SAMD5: variants seen among roughly 807,000 people sequenced by gnomAD.
The protein encoded by SAMD5 is sterile alpha motif domain-containing protein 5.
SAMD5 carries 13 observed loss-of-function variants against 11.3 expected under a neutral mutation model. The ratio of observed to expected loss-of-function variants is 1.15; its 90% CI spans 0.75 to 1.83. SAMD5 has a LOEUF of 1.83. Ranked by LOEUF, SAMD5 falls within the 40% of genes most tolerant of loss-of-function variation. The pLI, the probability that SAMD5 is intolerant of heterozygous loss-of-function variation, is 0.00. For synonymous variants in SAMD5, 129 were observed against 111.3 expected (o/e 1.16, Z -1.00); for missense variants, 255 against 239.1 (o/e 1.07, Z -0.44).
the SAMD5 span, among the ~76,000 whole-genome samples, chr6:147,772,062 T>C: frequency 1.3e-5 from 2 of 152,216 alleles, no homozygotes; most frequent in Non-Finnish European, 2.9e-5. Context: ...TATTTCATGA[T>C]GAGCCTCAGT....
At chr6:147,586,035 T>A (rs1264504050) in intron 1 of SAMD5, among the ~76,000 whole-genome samples, 1 of 152,152 alleles carries the variant, frequency 6.6e-6, no homozygotes, top group Non-Finnish European at 1.5e-5. Context: ...GAGTTTTAGT[T>A]GGGAGCTGAG....
chr6:147,772,274 C>T, the SAMD5 span, among the ~76,000 whole-genome samples: 3 of 152,024 alleles, frequency 2.0e-5, no homozygotes. Context: ...ACAGAGAGCA[C>T]TTGTAGAACT....
At chr6:147,540,946 T>G (rs868489545) in intron 1 of SAMD5, among the ~76,000 whole-genome samples, 14 of 140,312 alleles carry the variant, frequency 1.0e-4, no homozygotes, top group Admixed American at 2.2e-4. Flanking sequence ...TTTTTTTTTT[T>G]TTTTTTTTTT....
At chr6:147,789,492 ATATTTT>A in the SAMD5 span, among the ~76,000 whole-genome samples, 1 of 152,116 alleles carries the variant, frequency 6.6e-6, no homozygotes. Context: ...TTATTTGAAA[ATATTTT>A]TAGATTTATT....
the SAMD5 span, among the ~76,000 whole-genome samples, chr6:147,924,501 T>C: frequency 6.6e-6 from 1 of 152,134 alleles, no homozygotes; most frequent in Non-Finnish European, 1.5e-5. Flanking sequence ...AAGCCTGATC[T>C]GAAAATTTTA....
chr6:147,830,276 T>TG, the SAMD5 span, among the ~76,000 whole-genome samples: 1 of 125,768 alleles, frequency 8.0e-6, no homozygotes, highest in South Asian at 2.6e-4. Flanking sequence ...TTTTTTTTTT[T>TG]GAATGAGTCT....
the SAMD5 span, among the ~76,000 whole-genome samples, chr6:147,832,690 C>G: frequency 6.6e-6 from 1 of 152,288 alleles, no homozygotes; most frequent in Non-Finnish European, 1.5e-5. Context: ...ATACTTTTCA[C>G]TACCTAATTA....
the SAMD5 span, among the ~76,000 whole-genome samples, chr6:147,870,546 T>G: frequency 3.3e-5 from 5 of 151,544 alleles, no homozygotes; most frequent in Non-Finnish European, 5.9e-5. Context: ...AATATTCTCC[T>G]TGGCAAATTT....
intron 1 of SAMD5, among the ~76,000 whole-genome samples, chr6:147,560,166 T>G (rs1004358870): frequency 1.3e-5 from 2 of 152,200 alleles, no homozygotes; most frequent in Non-Finnish European, 2.9e-5. Context: ...TATGAACAAA[T>G]GTAAAATGTG....
chr6:147,951,855 C>T, the SAMD5 span, among the ~76,000 whole-genome samples: 1 of 152,214 alleles, frequency 6.6e-6, no homozygotes, highest in Non-Finnish European at 1.5e-5. Flanking sequence ...ACCATATGGC[C>T]CCTCTTAAGA....
rs116406797 is a variant in SAMD5, at chr6:147,730,691, G to A, written c.163-6626G>A. Among the ~76,000 whole-genome samples the A allele has an allele frequency of 5.3e-3, 809 of 152,276 alleles. 7 individuals carry two copies. The highest frequency in any genetic ancestry group is 0.019 in the African/African-American group (772 of 41,548). The stretch of plus-strand genomic sequence containing the variant: ...CATATATAGACAATAGACAAGGTCC[G>A]AGAACTGAGCCCTAAGACATTCCAA... On this transcript the variant is annotated intron_variant, in intron 1 of 1. Coordinates refer to the SAMD5 transcript ENST00000566741.
the SAMD5 span, among the ~76,000 whole-genome samples, chr6:147,756,708 C>T: frequency 6.6e-6 from 1 of 152,316 alleles, no homozygotes. Flanking sequence ...ACCCTGCGCT[C>T]GCGCAGTTAT....
At chr6:147,593,897 G>A (rs1233473546) in intron 1 of SAMD5, among the ~76,000 whole-genome samples, 1 of 152,162 alleles carries the variant, frequency 6.6e-6, no homozygotes, top group African/African-American at 2.4e-5. Context: ...GGAGGCCAAG[G>A]TGGGCAGATC....
intron 1 of SAMD5, among the ~76,000 whole-genome samples, chr6:147,703,256 T>C (rs1479580161): frequency 6.6e-6 from 1 of 152,060 alleles, no homozygotes; most frequent in Non-Finnish European, 1.5e-5. Flanking sequence ...TTTGTAGAGA[T>C]GGGGTTTCAC....
the SAMD5 span, among the ~76,000 whole-genome samples, chr6:147,949,074 C>T: frequency 5.3e-5 from 8 of 152,264 alleles, no homozygotes; most frequent in Admixed American, 2.6e-4. Context: ...GACCCACAGA[C>T]GTGTGAACCA....
the SAMD5 span, among the ~76,000 whole-genome samples, chr6:147,746,937 A>G: frequency 6.6e-6 from 1 of 152,230 alleles, no homozygotes; most frequent in African/African-American, 2.4e-5. Flanking sequence ...TAACTCTATC[A>G]GGATTTCAGG....
At chr6:147,547,047 A>G (rs1788698299) in intron 1 of SAMD5, among the ~76,000 whole-genome samples, 1 of 152,132 alleles carries the variant, frequency 6.6e-6, no homozygotes, top group African/African-American at 2.4e-5. Flanking sequence ...CCTTTCCATC[A>G]CTGACCTCCT....
the SAMD5 span, among the ~76,000 whole-genome samples, chr6:147,795,221 C>T: frequency 1.6e-5 from 2 of 122,494 alleles, no homozygotes; most frequent in Non-Finnish European, 3.4e-5. Context: ...CCCCCTCCCC[C>T]CACCCCACAA....
intron 1 of SAMD5, among the ~76,000 whole-genome samples, chr6:147,517,449 G>A (rs560078430): frequency 6.6e-6 from 1 of 152,126 alleles, no homozygotes; most frequent in Non-Finnish European, 1.5e-5. Context: ...TGTCAGCTGT[G>A]TACAGAAGGG....
Sources: allele counts gnomAD v4.1 joint callset (sites outside exome capture counted in the v4.1 genomes callset), GRCh38; gene constraint gnomAD v4.1.1; transcripts MANE v1.5; gene names NCBI Gene and HGNC (gene_info 2026-07-23, HGNC 2026-07-21).